RFX7: variants seen among roughly 807,000 people sequenced by gnomAD.
RFX7 encodes DNA-binding protein RFX7.
A neutral mutation model predicts 111.8 loss-of-function variants in RFX7; 26 were observed. The ratio of observed to expected loss-of-function variants is 0.23; its 90% CI spans 0.17 to 0.32. RFX7 has a LOEUF of 0.32. RFX7 is among the 10% of genes least tolerant of loss of function. RFX7 has a pLI of 1.00. For synonymous variants in RFX7, 624 were observed against 624.4 expected (o/e 1.00, Z 0.01); for missense variants, 1,573 against 1,772.9 (o/e 0.89, Z 2.02).
At chr15:56,243,973 G>C (rs571500822), upstream of RFX7, 140 of 150,274 alleles carry the variant, frequency 9.3e-4, 1 homozygote, top group African/African-American at 3.2e-3. Context: ...GGGCCGGGAT[G>C]GGGGCGCACG....
At chr15:56,132,071 A>C (rs560911371) in intron 5 of RFX7, among the ~76,000 whole-genome samples, 7 of 152,180 alleles carry the variant, frequency 4.6e-5, no homozygotes, top group African/African-American at 9.6e-5. Flanking sequence ...TAATTGAGGG[A>C]AAAAAGGGAA....
Position 56,093,303 on chromosome 15 carries a change from T to C in RFX7, c.*42A>G. On this transcript the variant is annotated 3_prime_UTR_variant, in exon 10 of 10. Coordinates refer to ENST00000559447, the MANE Select transcript of RFX7 (RefSeq NM_022841.7). ...CTTCCATTAAGACAAATACAATACA[T>C]ATGTCTTTAGATACAGTGTGCTACA... is the stretch of plus-strand genomic sequence containing the variant. 1.3e-6 allele frequency: 2 copies of C among 1,493,864 alleles called. No homozygotes were observed. Among genetic ancestry groups the C allele is most frequent in the East Asian group, 2.3e-5 (1 of 43,946 alleles). The allele number at this position is 1,493,864 out of a possible 1,614,324, so 92.5% of individuals were successfully genotyped here.
chr15:56,108,982 C>CA, intron 5 of RFX7, among the ~76,000 whole-genome samples: 1 of 152,280 alleles, frequency 6.6e-6, no homozygotes, highest in Admixed American at 6.5e-5. Flanking sequence ...ATACAGCTAA[C>CA]AAGGGAAGTG....
intron 2 of RFX7, among the ~76,000 whole-genome samples, chr15:56,224,953 T>A (rs1248723018): frequency 6.6e-6 from 1 of 152,126 alleles, no homozygotes; most frequent in Non-Finnish European, 1.5e-5. Context: ...TACCATTTCT[T>A]AAATAATCCT....
intron 3 of RFX7, among the ~76,000 whole-genome samples, chr15:56,150,781 C>G (rs2042558664): frequency 6.6e-6 from 1 of 151,926 alleles, no homozygotes; most frequent in Admixed American, 6.6e-5. Context: ...AGCTAAAGCA[C>G]CAGGTTCTAA....
chr15:56,140,134 T>C (rs1235182110), intron 5 of RFX7, among the ~76,000 whole-genome samples: 20 of 152,308 alleles, frequency 1.3e-4, no homozygotes, highest in Non-Finnish European at 2.8e-4. Context: ...TGAGCTGTGG[T>C]GGGCTCCGCC....
chr15:56,167,791 T>C (rs778437248), intron 3 of RFX7, among the ~76,000 whole-genome samples: 1 of 152,226 alleles, frequency 6.6e-6, no homozygotes, highest in South Asian at 2.1e-4. Flanking sequence ...ATTGTCTTCA[T>C]AATTGGAATC....
intron 6 of RFX7, among the ~76,000 whole-genome samples, chr15:56,103,090 T>C (rs569594271): frequency 6.6e-6 from 1 of 152,176 alleles, no homozygotes; most frequent in African/African-American, 2.4e-5. Context: ...GAAAAATACT[T>C]GTACTGAAAG....
At chr15:56,180,212 A>T (rs553970779) in intron 2 of RFX7, among the ~76,000 whole-genome samples, 3 of 152,002 alleles carry the variant, frequency 2.0e-5, no homozygotes, top group Non-Finnish European at 2.9e-5. Context: ...GCTATAATAT[A>T]AAAAAAATTA....
chr15:56,090,552 T>C lies in RFX7; in HGVS notation c.*2793A>G, dbSNP rs1174210114. ...ATCCAGTCAGTTTAATATAAAATGT[T>C]TTTAATTGTTTTTGAAAACATTTAA... On this transcript the variant is annotated 3_prime_UTR_variant, in exon 10 of 10. Coordinates refer to ENST00000559447, the MANE Select transcript of RFX7 (RefSeq NM_022841.7). 1 of 152,646 alleles carries C rather than the reference T, an allele frequency of 6.6e-6. No homozygotes were observed. Among genetic ancestry groups the C allele is most frequent in the Non-Finnish European group, 1.5e-5 (1 of 68,026 alleles). 9.5% of individuals were successfully genotyped at this position (152,646 alleles called of 1,614,324 possible). A position where few individuals can be genotyped will look rare whatever the true frequency, so the allele number is the denominator to read the frequency against.
chr15:56,138,365 T>C (rs1447319565), intron 5 of RFX7, among the ~76,000 whole-genome samples: 1 of 151,134 alleles, frequency 6.6e-6, no homozygotes, highest in African/African-American at 2.4e-5. Flanking sequence ...TTTACCATTA[T>C]GAAATGGCCT....
intron 2 of RFX7, among the ~76,000 whole-genome samples, chr15:56,225,701 T>C (rs2043475665): frequency 6.6e-6 from 1 of 152,164 alleles, no homozygotes; most frequent in Admixed American, 6.5e-5. Context: ...GGTATCTTTA[T>C]ATCTGGAGAC....
At chr15:56,135,831 T>C in intron 5 of RFX7, among the ~76,000 whole-genome samples, 1 of 152,054 alleles carries the variant, frequency 6.6e-6, no homozygotes, top group Non-Finnish European at 1.5e-5. Flanking sequence ...GCTTTCTACA[T>C]ATGGCTAGCC....
chr15:56,220,020 C>A (rs573795013), intron 2 of RFX7, among the ~76,000 whole-genome samples: 3 of 152,126 alleles, frequency 2.0e-5, no homozygotes, highest in South Asian at 4.1e-4. Flanking sequence ...GACAGCCTTA[C>A]CAGCATCTTT....
At chr15:56,108,841 C>A (rs531220237) in intron 5 of RFX7, among the ~76,000 whole-genome samples, 81 of 152,314 alleles carry the variant, frequency 5.3e-4, no homozygotes, top group African/African-American at 1.9e-3. Flanking sequence ...TAAGCAACTT[C>A]AGCAAAGTCT....
intron 5 of RFX7, among the ~76,000 whole-genome samples, chr15:56,104,220 C>T (rs554116663): frequency 3.0e-4 from 45 of 152,282 alleles, no homozygotes; most frequent in African/African-American, 1.1e-3. Context: ...CCTTCTACCC[C>T]CACCATCCCT....
chr15:56,221,864 T>C (rs2043430423), intron 2 of RFX7, among the ~76,000 whole-genome samples: 1 of 152,236 alleles, frequency 6.6e-6, no homozygotes, highest in South Asian at 2.1e-4. Flanking sequence ...ATATAAACAT[T>C]GTTAACATTT....
At chr15:56,224,532 T>C (rs1348331049) in intron 2 of RFX7, among the ~76,000 whole-genome samples, 1 of 151,394 alleles carries the variant, frequency 6.6e-6, no homozygotes, top group African/African-American at 2.4e-5. Context: ...CTATACGGCA[T>C]TTTTTAACCC....
At position 56,091,126 on chromosome 15, in the gene RFX7, C is replaced by T. The variant is rs926444072; in HGVS notation, c.*2219G>A. On this transcript the variant is annotated 3_prime_UTR_variant, in exon 10 of 10. Transcript: ENST00000559447. ...TGCACATTTTGTGATCATGTATTAA[C>T]ATGGTGAAGCAAACTAAACTTAATT... The T allele has an allele frequency of 1.3e-5, 2 of 152,562 alleles. No homozygotes were observed. Among genetic ancestry groups the T allele is most frequent in the Non-Finnish European group, 2.9e-5 (2 of 67,992 alleles). 9.5% of individuals were successfully genotyped at this position (152,562 alleles called of 1,614,324 possible).
Sources: allele counts gnomAD v4.1 joint callset (sites outside exome capture counted in the v4.1 genomes callset), GRCh38; gene constraint gnomAD v4.1.1; transcripts MANE v1.5; gene names NCBI Gene and HGNC (gene_info 2026-07-23, HGNC 2026-07-21).